Variants in PTPRD observed in about 807,000 individuals in gnomAD.
PTPRD encodes the protein protein tyrosine phosphatase receptor type D, also known as receptor-type tyrosine-protein phosphatase delta.
A neutral mutation model predicts 214.5 loss-of-function variants in PTPRD; 34 were observed. That is an observed-to-expected ratio of 0.16 (90% CI 0.12 to 0.21). PTPRD has a LOEUF of 0.21. Among genes scored for constraint, PTPRD ranks in the 10% least tolerant of loss-of-function variants. PTPRD has a pLI of 1.00. For missense variants in PTPRD, 2,545 were observed against 2,398.7 expected (o/e 1.06, Z -1.27); for synonymous variants, 1,128 against 845.7 (o/e 1.33, Z -5.79).
intron 3 of PTPRD, among the ~76,000 whole-genome samples, chr9:10,198,346 G>C (rs1452440266): frequency 2.0e-5 from 3 of 152,162 alleles, no homozygotes; most frequent in African/African-American, 4.8e-5. Flanking sequence ...AAAAACAGGA[G>C]TAGTGGTCAG....
At chr9:8,475,969 A>G (rs72692995) in intron 30 of PTPRD, among the ~76,000 whole-genome samples, 3,640 of 152,188 alleles carry the variant, frequency 0.024, 116 homozygotes, top group African/African-American at 0.07. Context: ...TTTTTAAAAC[A>G]TTTCAATGGA....
intron 11 of PTPRD, among the ~76,000 whole-genome samples, chr9:8,992,882 G>A (rs543195408): frequency 6.6e-6 from 1 of 152,198 alleles, no homozygotes; most frequent in Non-Finnish European, 1.5e-5. Flanking sequence ...GAGGTAATAT[G>A]GCTGTTTCCA....
At chr9:8,810,781 G>C (rs2096786531) in intron 11 of PTPRD, among the ~76,000 whole-genome samples, 1 of 152,186 alleles carries the variant, frequency 6.6e-6, no homozygotes, top group South Asian at 2.1e-4. Context: ...AATCAGGAGA[G>C]AGAAAAGTGG....
rs200778277 is a variant in PTPRD, at chr9:9,264,010, C to G, written c.-202-80647G>C. Among the ~76,000 whole-genome samples, 164 of 151,758 alleles carry G rather than the reference C, an allele frequency of 1.1e-3. 4 individuals are homozygous for G. In the East Asian group the frequency reaches 0.021, roughly 19 times the overall value. On this transcript the variant is annotated intron_variant, in intron 9 of 45. Coordinates refer to ENST00000381196, the MANE Select transcript of PTPRD (RefSeq NM_002839.4). ...AAATTTGGAAAGAGCCTCAGAAACC[C>G]TAACCAGTTTGTTTGGTGAAGGTAT...
intron 3 of PTPRD, among the ~76,000 whole-genome samples, chr9:10,083,220 C>T (rs2154191354): frequency 6.6e-6 from 1 of 152,142 alleles, no homozygotes; most frequent in Admixed American, 6.6e-5. Context: ...ATCTAACTCA[C>T]TCATACATGA....
chr9:9,269,466 A>C (rs1305921516), intron 9 of PTPRD, among the ~76,000 whole-genome samples: 1 of 151,480 alleles, frequency 6.6e-6, no homozygotes, highest in African/African-American at 2.4e-5. Context: ...AAAAATAAAA[A>C]TAAGACTACC....
At chr9:9,593,837 C>A (rs2093013269) in intron 7 of PTPRD, among the ~76,000 whole-genome samples, 2 of 151,984 alleles carry the variant, frequency 1.3e-5, no homozygotes, top group South Asian at 2.1e-4. Flanking sequence ...CAACACAGCA[C>A]CCCACCAACT....
At position 8,506,205 on chromosome 9, in the gene PTPRD, A is replaced by C. The variant is rs550803459; in HGVS notation, c.1677+1096T>G. ...ATTTAGCATGTGAGTTTTTTAAAAG[A>C]TATTCTTTATTAGAACACAGGGACT... On this transcript the variant is annotated intron_variant, in intron 22 of 45. Coordinates refer to ENST00000381196, the MANE Select transcript of PTPRD (RefSeq NM_002839.4). Among the ~76,000 whole-genome samples the C allele has an allele frequency of 1.1e-3, 166 of 152,314 alleles. 1 individual carries two copies. The highest frequency in any genetic ancestry group is 3.4e-3 in the Middle Eastern group (1 of 294).
intron 14 of PTPRD, among the ~76,000 whole-genome samples, chr9:8,575,342 C>G (rs981406031): frequency 3.9e-5 from 6 of 152,086 alleles, no homozygotes; most frequent in Non-Finnish European, 8.8e-5. Context: ...TAGTCCCTAA[C>G]CGCTTACTTC....
chr9:9,184,533 T>C (rs773498331), intron 9 of PTPRD, among the ~76,000 whole-genome samples: 6 of 152,098 alleles, frequency 3.9e-5, no homozygotes, highest in Non-Finnish European at 7.4e-5. Flanking sequence ...CAGTGTTACA[T>C]AGATGAGCAT....
chr9:9,821,884 G>C (rs1033433702), intron 5 of PTPRD, among the ~76,000 whole-genome samples: 15 of 150,260 alleles, frequency 1.0e-4, no homozygotes, highest in Admixed American at 9.3e-4. Flanking sequence ...ATATGTATGT[G>C]TGCATGACTG....
chr9:9,710,949 T>A (rs981059213), intron 7 of PTPRD, among the ~76,000 whole-genome samples: 1 of 152,068 alleles, frequency 6.6e-6, no homozygotes, highest in African/African-American at 2.4e-5. Context: ...ATGGTCCTAG[T>A]CTGAGAGCGA....
At chr9:10,396,167 G>C (rs2098166538) in intron 2 of PTPRD, among the ~76,000 whole-genome samples, 2 of 151,904 alleles carry the variant, frequency 1.3e-5, no homozygotes, top group African/African-American at 4.8e-5. Context: ...TGTAATGCAA[G>C]ATGGATCCTT....
At chr9:9,384,345 T>G (rs796588646) in intron 9 of PTPRD, among the ~76,000 whole-genome samples, 906 of 36,120 alleles carry the variant, frequency 0.025, 14 homozygotes, top group African/African-American at 0.13. Flanking sequence ...AGACTAGGCT[T>G]TTTTTTTTTT....
chr9:8,845,183 CA>C (rs780589695), intron 11 of PTPRD, among the ~76,000 whole-genome samples: 1 of 73,876 alleles, frequency 1.4e-5, no homozygotes, highest in South Asian at 3.3e-4. Flanking sequence ...AAAACAAAAA[CA>C]AAAAAAAACA....
At chr9:8,376,930 A>G (rs1169811489) in intron 37 of PTPRD, among the ~76,000 whole-genome samples, 1 of 152,156 alleles carries the variant, frequency 6.6e-6, no homozygotes, top group Admixed American at 6.6e-5. Context: ...TGGTAGGAAT[A>G]CTAAACAGTA....
chr9:10,363,731 T>G (rs956704292), intron 2 of PTPRD, among the ~76,000 whole-genome samples: 3 of 152,300 alleles, frequency 2.0e-5, no homozygotes, highest in African/African-American at 4.8e-5. Context: ...AGATAACCAT[T>G]GTCCAAATAA....
chr9:10,372,836 C>CATTGTTATT (rs2097653734), intron 2 of PTPRD, among the ~76,000 whole-genome samples: 1 of 146,632 alleles, frequency 6.8e-6, no homozygotes, highest in South Asian at 2.1e-4. Flanking sequence ...TGTTTTTATA[C>CATTGTTATT]ATTATTATTA....
chr9:9,866,598 TAAAAC>T (rs1427969221), intron 5 of PTPRD, among the ~76,000 whole-genome samples: 2 of 152,088 alleles, frequency 1.3e-5, no homozygotes, highest in African/African-American at 4.8e-5. Context: ...ATAGTGAAAA[TAAAAC>T]AAAGTGAAAA....
Sources: allele counts gnomAD v4.1 joint callset (sites outside exome capture counted in the v4.1 genomes callset), GRCh38; gene constraint gnomAD v4.1.1; transcripts MANE v1.5; gene names NCBI Gene and HGNC (gene_info 2026-07-23, HGNC 2026-07-21).